Variants in GINS4 observed in about 807,000 individuals in gnomAD.
GINS4 encodes the protein GINS complex subunit 4.
A neutral mutation model predicts 31.1 loss-of-function variants in GINS4; 20 were observed. The ratio of observed to expected loss-of-function variants is 0.64; its 90% CI spans 0.45 to 0.93. GINS4 has a LOEUF of 0.93. Ranked by LOEUF, GINS4 falls within the 40% of genes least tolerant of loss-of-function variation. GINS4 has a pLI of 0.00. For missense variants in GINS4, 245 were observed against 273.9 expected, an observed-to-expected ratio of 0.89 and a Z score of 0.75; for synonymous variants, 85 against 97.9, an observed-to-expected ratio of 0.87 and a Z score of 0.78.
Position 41,530,201 on chromosome 8 carries a change from A to G in GINS4, c.-2A>G, listed in dbSNP as rs1289997300. ...CTCATTAGGTTCCTGGTTTCAGAGA[A>G]GATGACCGAAGAAGTGGATTTCCTG... is the stretch of plus-strand genomic sequence containing the variant. On this transcript the variant is annotated 5_prime_UTR_variant, in exon 2 of 8. Transcript: ENST00000276533. 1.1e-5 allele frequency: 18 copies of G among 1,610,974 alleles called. No individual in the cohort carries two copies. Among genetic ancestry groups the G allele is most frequent in the Admixed American group, 3.3e-5 (2 of 59,908 alleles).
chr8:41,533,423 G>A (rs1030307238), intron 2 of GINS4, among the ~76,000 whole-genome samples: 1 of 152,184 alleles, frequency 6.6e-6, no homozygotes, highest in Non-Finnish European at 1.5e-5. Flanking sequence ...AGAGGATGGG[G>A]CGGCGGGGGT....
Position 41,542,193 on chromosome 8 carries a change from C to A in GINS4, c.*106C>A. 2.5e-6 allele frequency: 2 copies of A among 787,450 alleles called. No homozygotes were observed. The highest frequency in any genetic ancestry group is 1.4e-5 in the South Asian group (1 of 72,958). 48.8% of individuals were successfully genotyped at this position (787,450 alleles called of 1,614,324 possible). A position where few individuals can be genotyped will look rare whatever the true frequency, so the allele number is the denominator to read the frequency against. ...GGTCAGGAGTTCGAGACCAACCGACCAACATGGTGAAACCCCATCTTTACT... is the reference window on the plus strand; with the variant it reads ...GGTCAGGAGTTCGAGACCAACCGACAAACATGGTGAAACCCCATCTTTACT... On this transcript the variant is annotated 3_prime_UTR_variant, in exon 8 of 8. Coordinates refer to ENST00000276533, the MANE Select transcript of GINS4 (RefSeq NM_032336.3).
chr8:41,541,173 G>A (rs142633728), intron 6 of GINS4, among the ~76,000 whole-genome samples: 2,647 of 152,102 alleles, frequency 0.017, 72 homozygotes, highest in African/African-American at 0.061. Context: ...GGGCTCAAGC[G>A]ATCCTCCCAC....
rs1214741782 is a variant in GINS4 at position 41,539,783 on chromosome 8, A to G, written c.395+8A>G. 1.2e-6 allele frequency: 2 copies of G among 1,612,322 alleles called. 1 individual carries two copies. Among genetic ancestry groups the G allele is most frequent in the South Asian group, 2.2e-5 (2 of 90,998 alleles). ...GTTGGCCTTTGCCAGAGAGTGAGTG[A>G]GTGAGCCGTTGGCGTGGGGCACCTG... On this transcript the variant is annotated splice_region_variant and intron_variant, in intron 5 of 7. Transcript: ENST00000276533.
At chr8:41,533,396 G>T (rs1017363077) in intron 2 of GINS4, among the ~76,000 whole-genome samples, 2 of 152,208 alleles carry the variant, frequency 1.3e-5, no homozygotes, top group African/African-American at 4.8e-5. Context: ...CATCATCGGG[G>T]TCCTTGAAAG....
Position 41,539,999 on chromosome 8 carries a change from G to A in GINS4, c.479G>A (p.Arg160Gln), listed in dbSNP as rs763825764. The A allele has an allele frequency of 8.7e-6, 14 of 1,613,394 alleles. No individual in the cohort carries two copies. The highest frequency in any genetic ancestry group is 1.7e-4 in the Middle Eastern group (1 of 6,058). Residue 160 changes from arginine (R) to glutamine (Q), a missense_variant, in exon 6 of 8, where the codon CGG becomes CAG. By Grantham distance (43) the Arg-to-Gln change is conservative. Coordinates refer to ENST00000276533, the MANE Select transcript of GINS4 (RefSeq NM_032336.3). ...PPNLQKVDLF[R>Q]AVPKPDLDSY... is the part of the protein sequence containing the mutation. ...AACTTACAGAAGGTGGACCTCTTTC[G>A]GGCAGGTAAACAGGACGTTCTCCCT...
At chr8:41,541,377 T>C (rs1487390627) in intron 6 of GINS4, among the ~76,000 whole-genome samples, 1 of 152,138 alleles carries the variant, frequency 6.6e-6, no homozygotes, top group Non-Finnish European at 1.5e-5. Context: ...CCTGGCCTAT[T>C]CTCTTCTTAT....
chr8:41,536,007 G>C (rs1806734601), intron 2 of GINS4, among the ~76,000 whole-genome samples: 1 of 152,176 alleles, frequency 6.6e-6, no homozygotes, highest in Admixed American at 6.5e-5. Context: ...AATAGACATG[G>C]GGTGGCGCTG....
intron 4 of GINS4, chr8:41,537,543 T>C (rs1335817102): frequency 2.5e-6 from 1 of 407,928 alleles, no homozygotes; most frequent in South Asian, 3.7e-5. Flanking sequence ...GAGTGAGTGG[T>C]TCCCCCTTGC....
intron 6 of GINS4, among the ~76,000 whole-genome samples, chr8:41,541,463 G>C (rs1462583379): frequency 6.6e-6 from 1 of 152,144 alleles, no homozygotes; most frequent in Non-Finnish European, 1.5e-5. Context: ...TAAAAGCCCT[G>C]TTTCCGAATA....
rs200745887 is a variant in GINS4, at chr8:41,539,732, G to T, written c.352G>T (p.Glu118Ter). Residue 118 changes from glutamate to a stop codon, truncating the protein, a stop_gained, in exon 5 of 8, where the codon GAG (glutamate) becomes TAG (stop). Coordinates refer to ENST00000276533, the MANE Select transcript of GINS4 (RefSeq NM_032336.3). LOFTEE classifies it high-confidence loss of function. The stretch of plus-strand genomic sequence containing the variant: ...GAAGGAAAAAACACGTCCTGAGGGG[G>T]AGCCTTCCAGCCTCTCGCCGGAAGA... ...LEKEKTRPEGEPSSLSPEELA... is the reference protein window; with the variant it reads ...LEKEKTRPEG 8.1e-6 allele frequency: 13 copies of T among 1,614,190 alleles called. No homozygotes were observed. The highest frequency in any genetic ancestry group is 1.0e-5 in the Non-Finnish European group (12 of 1,180,022).
At chr8:41,534,050 A>AT (rs1760423503) in intron 2 of GINS4, 1 of 160,890 alleles carries the variant, frequency 6.2e-6, no homozygotes, top group Non-Finnish European at 1.4e-5. Flanking sequence ...AGTTAGGTAG[A>AT]TTTTTGAGGG....
chr8:41,540,740 C>T (rs1189500431), intron 6 of GINS4, among the ~76,000 whole-genome samples: 2 of 152,214 alleles, frequency 1.3e-5, no homozygotes, highest in South Asian at 2.1e-4. Flanking sequence ...CCAAATCAAA[C>T]GAGCTCCAGT....
At chr8:41,539,489 A>G (rs542488886) in intron 4 of GINS4, among the ~76,000 whole-genome samples, 189 bp from the exon 5 acceptor site, 20 of 152,080 alleles carry the variant, frequency 1.3e-4, no homozygotes, top group African/African-American at 4.6e-4. Context: ...CCAGGTCCAT[A>G]GCTTGCCTGC....
chr8:41,531,615 T>G (rs1806648938), intron 2 of GINS4, among the ~76,000 whole-genome samples: 1 of 152,222 alleles, frequency 6.6e-6, no homozygotes, highest in Non-Finnish European at 1.5e-5. Context: ...TCACAGACCT[T>G]TTTGAGAAAC....
At chr8:41,530,320 C>T (rs541878522) in intron 2 of GINS4, 22 bp downstream of exon 2, 1 of 1,544,784 alleles carries the variant, frequency 6.5e-7, no homozygotes, top group South Asian at 1.1e-5. Context: ...AGATCGAATC[C>T]CTTTGCTCCA....
chr8:41,533,379 A>G (rs60061795), intron 2 of GINS4, among the ~76,000 whole-genome samples: 4,840 of 152,326 alleles, frequency 0.032, 229 homozygotes, highest in African/African-American at 0.1. Flanking sequence ...TTACTTTTTC[A>G]AGTGAGCATC....
At position 41,543,614 on chromosome 8, in the gene GINS4, T is replaced by C. The variant is rs1475100713; in HGVS notation, c.*1527T>C. ...TCTTCCTGGTTGAAGTTGGCAGATT[T>C]CCATTTGCAGGGTATGGGCTGCGAG... On this transcript the variant is annotated 3_prime_UTR_variant, in exon 8 of 8. Transcript: ENST00000276533. 6.6e-6 allele frequency: 1 copy of C among 152,188 alleles called. No individual in the cohort carries two copies. Among genetic ancestry groups the C allele is most frequent in the Non-Finnish European group, 1.5e-5 (1 of 68,040 alleles). The allele number at this position is 152,188 out of a possible 1,614,324, so 9.4% of individuals were successfully genotyped here. A position where few individuals can be genotyped will look rare whatever the true frequency, so the allele number is the denominator to read the frequency against.
intron 5 of GINS4, 68 bp downstream of exon 5, chr8:41,539,843 T>C: frequency 6.4e-7 from 1 of 1,568,092 alleles, no homozygotes; most frequent in Non-Finnish European, 8.8e-7. Flanking sequence ...TAGAGGCCTG[T>C]GCGCTGCTGC....
Sources: gnomAD v4.1 joint callset for allele counts (sites outside exome capture counted in the v4.1 genomes callset) on GRCh38, gnomAD v4.1.1 for gene constraint, MANE v1.5 for transcripts, NCBI Gene and HGNC (gene_info 2026-07-23, HGNC 2026-07-21) for gene names.